Variants in ZFYVE16 observed in about 807,000 individuals in gnomAD.
ZFYVE16 encodes zinc finger FYVE-type containing 16.
ZFYVE16 carries 89 observed loss-of-function variants against 138.1 expected under a neutral mutation model. That is an observed-to-expected ratio of 0.64 (90% CI 0.54 to 0.77). The LOEUF (loss-of-function observed/expected upper bound fraction) is 0.77. ZFYVE16 is among the 30% of genes least tolerant of loss of function. ZFYVE16 has a pLI of 0.00. For synonymous variants in ZFYVE16, 596 were observed against 618.3 expected, an observed-to-expected ratio of 0.96 and a Z score of 0.53; for missense variants, 1,793 against 1,786.7, an observed-to-expected ratio of 1.00 and a Z score of -0.06.
intron 1 of ZFYVE16, among the ~76,000 whole-genome samples, chr5:80,420,139 C>T (rs1428055877): frequency 2.6e-5 from 4 of 151,196 alleles, no homozygotes; most frequent in East Asian, 2.0e-4. Context: ...CAGAGTTTAG[C>T]TCTGGCACCC....
intron 15 of ZFYVE16, among the ~76,000 whole-genome samples, chr5:80,467,812 C>G (rs1293690087): frequency 6.6e-6 from 1 of 151,958 alleles, no homozygotes; most frequent in Non-Finnish European, 1.5e-5. Flanking sequence ...ACTTACAAGA[C>G]AAAGGGTATA....
At chr5:80,429,187 G>A (rs1748602939) in intron 2 of ZFYVE16, among the ~76,000 whole-genome samples, 1 of 152,180 alleles carries the variant, frequency 6.6e-6, no homozygotes, top group Non-Finnish European at 1.5e-5. Flanking sequence ...AGGAAAAAAT[G>A]TTAAGGGCAG....
Position 80,419,779 on chromosome 5 carries a change from G to A in ZFYVE16, c.-93-7713G>A, listed in dbSNP as rs149208040. 1.1e-4 allele frequency among the ~76,000 whole-genome samples: 17 copies of A among 151,872 alleles called. No homozygotes were observed. The East Asian group carries it at 2.1e-3, about 19-fold the overall frequency. On this transcript the variant is annotated intron_variant, in intron 1 of 18. Transcript: ENST00000505560. The stretch of plus-strand genomic sequence containing the variant: ...GATTGCACAAGAATCTAGAGATCAG[G>A]TTGGGAAGAATTCATGTCTTTGGTT...
At chr5:80,445,167 A>G in intron 6 of ZFYVE16, 96 bp from the exon 7 acceptor site, 1 of 1,419,690 alleles carries the variant, frequency 7.0e-7, no homozygotes, top group Non-Finnish European at 9.5e-7. Flanking sequence ...GCCAGTGGAT[A>G]GCAAAAAGCT....
intron 15 of ZFYVE16, among the ~76,000 whole-genome samples, chr5:80,463,464 T>C (rs959206428): frequency 1.3e-5 from 2 of 152,176 alleles, no homozygotes; most frequent in African/African-American, 4.8e-5. Flanking sequence ...ACCCTGTACC[T>C]GGCCCACAAA....
intron 15 of ZFYVE16, among the ~76,000 whole-genome samples, chr5:80,466,933 C>T (rs181743403): frequency 1.3e-5 from 2 of 152,280 alleles, no homozygotes; most frequent in Admixed American, 1.3e-4. Context: ...CTCTCATCTC[C>T]AGCACAGCAG....
chr5:80,425,888 C>A (rs1449561138), intron 1 of ZFYVE16, among the ~76,000 whole-genome samples: 1 of 152,042 alleles, frequency 6.6e-6, no homozygotes, highest in Non-Finnish European at 1.5e-5. Context: ...TGTAAACATC[C>A]ATTTATAGCC....
At chr5:80,435,317 G>A (rs1749733050) in intron 3 of ZFYVE16, among the ~76,000 whole-genome samples, 1 of 152,170 alleles carries the variant, frequency 6.6e-6, no homozygotes, top group African/African-American at 2.4e-5. Flanking sequence ...ACAGGCCTGA[G>A]CCACCAGGCC....
In ZFYVE16 at chr5:80,436,896, A is replaced by G. The variant is rs1749996614; in HGVS notation, c.211A>G (p.Thr71Ala). The G allele has an allele frequency of 6.2e-7, 1 of 1,614,164 alleles. No homozygotes were observed. Among genetic ancestry groups the G allele is most frequent in the Admixed American group, 1.7e-5 (1 of 60,022 alleles). The stretch of plus-strand genomic sequence containing the variant: ...CGTTAATAGTTGTGCCTCATCAGAA[A>G]CAAGCTATGGAACAAATGAGAGTTC... ...ECVNSCASSE[T>A]SYGTNESSLN... is the part of the protein sequence containing the mutation. The change falls in exon 4 of 19, where the codon ACA (threonine) becomes GCA (alanine). Residue 71 changes from threonine to alanine, a missense_variant. By Grantham distance (58) the Thr-to-Ala change is moderately conservative. Coordinates refer to ENST00000505560, the MANE Select transcript of ZFYVE16 (RefSeq NM_001284236.3).
rs370696668 is a variant in ZFYVE16 at position 80,448,122 on chromosome 5, A to G, written c.2821A>G (p.Ile941Val). 6.2e-7 allele frequency: 1 copy of G among 1,613,960 alleles called. No homozygotes were observed. The highest frequency in any genetic ancestry group is 1.3e-5 in the African/African-American group (1 of 75,036). ...ITRNEIIQSP[I>V]SQVPSVEKLS... The stretch of plus-strand genomic sequence containing the variant: ...AAGAAATGAGATAATTCAGAGTCCT[A>G]TTTCTCAGGTTCCATCAGTGGAAAA... Residue 941 changes from isoleucine (I) to valine (V), a missense_variant, in exon 8 of 19, where the codon ATT (isoleucine) becomes GTT (valine). Physicochemically the swap from Ile to Val is conservative, Grantham distance 29. This residue lies in a region of ZFYVE16 where 1,295 missense variants were observed against 1,204.3 expected (regional missense o/e 1.08). Transcript: ENST00000505560.
intron 11 of ZFYVE16, chr5:80,454,312 T>C (rs1019436706): frequency 6.6e-6 from 1 of 152,188 alleles, no homozygotes; most frequent in Non-Finnish European, 1.5e-5. Flanking sequence ...AGGTTACAAA[T>C]GTGTCTGTGT....
intron 7 of ZFYVE16, among the ~76,000 whole-genome samples, chr5:80,447,771 ATAT>A (rs1342674602): frequency 2.0e-5 from 3 of 152,152 alleles, no homozygotes; most frequent in Non-Finnish European, 4.4e-5. Flanking sequence ...TCCAATCTTA[ATAT>A]TAAGTCATTA....
At chr5:80,449,451 G>T in intron 8 of ZFYVE16, 140 bp from the exon 9 acceptor site, 2 of 774,826 alleles carry the variant, frequency 2.6e-6, no homozygotes, top group South Asian at 3.7e-5. Context: ...GTTGTCTGGG[G>T]TGTTGATTTT....
intron 15 of ZFYVE16, among the ~76,000 whole-genome samples, chr5:80,464,532 C>T (rs1254654747): frequency 1.3e-5 from 2 of 152,154 alleles, no homozygotes; most frequent in Non-Finnish European, 1.5e-5. Context: ...GACACAAAGC[C>T]TAACCATATC....
At chr5:80,466,558 A>C (rs1753773881) in intron 15 of ZFYVE16, among the ~76,000 whole-genome samples, 1 of 152,122 alleles carries the variant, frequency 6.6e-6, no homozygotes, top group African/African-American at 2.4e-5. Flanking sequence ...AAAATAATTG[A>C]TTTATACCCT....
chr5:80,434,011 C>G, intron 2 of ZFYVE16, 98 bp from the exon 3 acceptor site: 1 of 782,776 alleles, frequency 1.3e-6, no homozygotes, highest in East Asian at 2.7e-5. Flanking sequence ...AATTTTATTT[C>G]TGTGTCAATT....
At chr5:80,447,285 A>G (rs1159364813) in intron 7 of ZFYVE16, among the ~76,000 whole-genome samples, 1 of 151,294 alleles carries the variant, frequency 6.6e-6, no homozygotes, top group African/African-American at 2.4e-5. Context: ...AAAAAAAAAA[A>G]AAAAAGAGAG....
In ZFYVE16 at chr5:80,451,572, C is replaced by G; in HGVS notation, c.3470C>G (p.Pro1157Arg). 1 of 1,613,774 alleles carries G rather than the reference C, an allele frequency of 6.2e-7. No individual in the cohort carries two copies. The change falls in exon 11 of 19, where the codon CCT (proline) becomes CGT (arginine). Residue 1157 changes from proline to arginine, a missense_variant. By Grantham distance (103) the Pro-to-Arg change is moderately radical. Coordinates refer to ENST00000505560, the MANE Select transcript of ZFYVE16 (RefSeq NM_001284236.3). ...KDHGGFLFIT[P>R]TFQKLDDLSL... ...CACGGAGGATTCCTGTTTATTACAC[C>G]TACTTTTCAGAAACTTGATGATCTC...
At chr5:80,463,684 T>C (rs1047041862) in intron 15 of ZFYVE16, among the ~76,000 whole-genome samples, 2 of 152,222 alleles carry the variant, frequency 1.3e-5, no homozygotes. Flanking sequence ...TTTCCAAACT[T>C]TTATGCTCTG....
Sources: gnomAD v4.1 joint callset for allele counts (sites outside exome capture counted in the v4.1 genomes callset) on GRCh38, gnomAD v4.1.1 for gene constraint, gnomAD v4.1.1 regional missense constraint, MANE v1.5 for transcripts, NCBI Gene and HGNC (gene_info 2026-07-23, HGNC 2026-07-21) for gene names.